Variants in NBAS observed in about 807,000 individuals in gnomAD.
NBAS encodes the protein NAG/BC035112 fusion.
NBAS carries 219 observed loss-of-function variants against 302.5 expected under a neutral mutation model. The ratio of observed to expected loss-of-function variants is 0.72; its 90% CI spans 0.65 to 0.81. The LOEUF is 0.81. NBAS is among the 30% of genes least tolerant of loss of function. The pLI, the probability that NBAS is intolerant of heterozygous loss-of-function variation, is 0.00. For synonymous variants in NBAS, 1,118 were observed against 1,021.6 expected, an observed-to-expected ratio of 1.09 and a Z score of -1.80; for missense variants, 2,932 against 2,841.6, an observed-to-expected ratio of 1.03 and a Z score of -0.72.
the NBAS span, among the ~76,000 whole-genome samples, chr2:14,887,399 C>CAAAAAAAA: frequency 5.1e-4 from 43 of 84,616 alleles, 4 homozygotes; most frequent in African/African-American, 1.9e-3. Context: ...TGAGACTCCT[C>CAAAAAAAA]AAAAAAAAAA....
intron 50 of NBAS, among the ~76,000 whole-genome samples, chr2:15,183,278 C>T (rs987028242): frequency 2.6e-5 from 4 of 152,200 alleles, no homozygotes; most frequent in African/African-American, 9.6e-5. Flanking sequence ...CCTCTAATCA[C>T]AGCAGCCTCA....
the NBAS span, among the ~76,000 whole-genome samples, chr2:14,873,065 T>C: frequency 6.6e-6 from 1 of 152,058 alleles, no homozygotes; most frequent in Non-Finnish European, 1.5e-5. Context: ...CGAGGCTAGC[T>C]CGGGTGGACT....
intron 35 of NBAS, among the ~76,000 whole-genome samples, chr2:15,331,468 GT>G (rs1454274920): frequency 6.6e-6 from 1 of 152,132 alleles, no homozygotes; most frequent in Non-Finnish European, 1.5e-5. Flanking sequence ...TAACTTCCTA[GT>G]TTAGTGTCTA....
rs181615141 is a variant in NBAS at position 15,211,607 on chromosome 2, C to T, written c.6432+7166G>A. ...TCCTTTTCCTTCAACGTTTTTCTCGCTTATCCGTAGGAGGATTGAAGAGAA... is the reference window on the plus strand; with the variant it reads ...TCCTTTTCCTTCAACGTTTTTCTCGTTTATCCGTAGGAGGATTGAAGAGAA... On this transcript the variant is annotated intron_variant, in intron 48 of 51. Coordinates refer to ENST00000281513, the MANE Select transcript of NBAS (RefSeq NM_015909.4). Among the ~76,000 whole-genome samples the T allele has an allele frequency of 1.1e-3, 168 of 152,264 alleles. 3 individuals carry two copies. The South Asian group carries it at 0.013, about 12-fold the overall frequency.
At chr2:14,921,702 A>T in the NBAS span, among the ~76,000 whole-genome samples, 2 of 152,150 alleles carry the variant, frequency 1.3e-5, no homozygotes, top group Non-Finnish European at 1.5e-5. Context: ...ATTGTGAATA[A>T]GCGAGTGTGT....
At chr2:15,233,035 AAC>A (rs1376028668) in intron 46 of NBAS, among the ~76,000 whole-genome samples, 2 of 152,100 alleles carry the variant, frequency 1.3e-5, no homozygotes, top group Non-Finnish European at 2.9e-5. Context: ...CTGAAAATGC[AAC>A]AGAGAAAAAA....
At chr2:15,331,457 A>G (rs1385355920) in intron 35 of NBAS, among the ~76,000 whole-genome samples, 2 of 152,224 alleles carry the variant, frequency 1.3e-5, no homozygotes, top group East Asian at 1.9e-4. Flanking sequence ...TATTTGTTCT[A>G]TAACTTCCTA....
the NBAS span, among the ~76,000 whole-genome samples, chr2:14,856,923 A>C: frequency 7.9e-5 from 12 of 152,172 alleles, no homozygotes; most frequent in Non-Finnish European, 1.6e-4. Flanking sequence ...ATTTTGAAAA[A>C]CCTAAAGACT....
the NBAS span, among the ~76,000 whole-genome samples, chr2:15,151,872 G>A: frequency 0.14 from 20,895 of 151,884 alleles, 1,585 homozygotes; most frequent in South Asian, 0.24. Flanking sequence ...TTTTGAGGTA[G>A]AGTCTCCCTC....
intron 21 of NBAS, among the ~76,000 whole-genome samples, chr2:15,448,685 C>T (rs1252977140): frequency 1.3e-5 from 2 of 152,172 alleles, no homozygotes; most frequent in Non-Finnish European, 2.9e-5. Flanking sequence ...TAGGCACACA[C>T]TGAGGACAAA....
intron 32 of NBAS, among the ~76,000 whole-genome samples, chr2:15,360,101 G>C (rs1673826954): frequency 6.6e-6 from 1 of 152,026 alleles, no homozygotes; most frequent in Admixed American, 6.6e-5. Context: ...TTGTACAAAA[G>C]ATAAAAAATG....
the NBAS span, among the ~76,000 whole-genome samples, chr2:15,119,255 C>G: frequency 6.6e-6 from 1 of 151,622 alleles, no homozygotes; most frequent in Non-Finnish European, 1.5e-5. Context: ...AGAGTGAGAC[C>G]TGGTCTCTTA....
the NBAS span, among the ~76,000 whole-genome samples, chr2:15,119,827 C>T: frequency 9.0e-3 from 1,371 of 152,200 alleles, 20 homozygotes; most frequent in African/African-American, 0.031. Flanking sequence ...CATCACCTTA[C>T]GCCATTCATC....
At chr2:14,832,964 G>A in the NBAS span, among the ~76,000 whole-genome samples, 43 of 152,254 alleles carry the variant, frequency 2.8e-4, no homozygotes, top group Admixed American at 1.4e-3. Flanking sequence ...TGGCACAGAA[G>A]AAGAGACTGA....
the NBAS span, among the ~76,000 whole-genome samples, chr2:15,004,534 A>G: frequency 1.3e-5 from 2 of 152,184 alleles, no homozygotes; most frequent in African/African-American, 4.8e-5. Flanking sequence ...CAAGAGTCTC[A>G]CCCTCTGTCC....
chr2:14,996,582 G>A, the NBAS span, among the ~76,000 whole-genome samples: 2 of 152,202 alleles, frequency 1.3e-5, no homozygotes, highest in African/African-American at 2.4e-5. Context: ...TGGGCTGTCG[G>A]AAGATATTGT....
At chr2:15,078,292 A>C in the NBAS span, among the ~76,000 whole-genome samples, 1 of 152,294 alleles carries the variant, frequency 6.6e-6, no homozygotes, top group South Asian at 2.1e-4. Flanking sequence ...GAATTGACTT[A>C]ATGGGGGTAT....
Position 15,468,392 on chromosome 2 carries a change from C to A in NBAS, c.1867G>T (p.Asp623Tyr). The A allele has an allele frequency of 1.9e-6, 3 of 1,614,068 alleles. No individual in the cohort carries two copies. The highest frequency in any genetic ancestry group is 2.5e-6 in the Non-Finnish European group (3 of 1,179,952). The change falls in exon 17 of 52, where the codon GAT (aspartate) becomes TAT (tyrosine). Residue 623 changes from aspartate (D) to tyrosine (Y), a missense_variant. Coordinates refer to ENST00000281513, the MANE Select transcript of NBAS (RefSeq NM_015909.4). ...CTTTCTGTAACCAACCTGCCATCAT[C>A]TGCTCCTTTCCCTATTGCTAAAAGA... The part of the protein sequence containing the change: ...EALLAIGKGA[D>Y]DGRFTLPGEI...
In NBAS at chr2:15,534,555, T is replaced by A; in HGVS notation, c.734A>T (p.His245Leu). 3 of 1,606,438 alleles carry A rather than the reference T, an allele frequency of 1.9e-6. No individual in the cohort carries two copies. Among genetic ancestry groups the A allele is most frequent in the Non-Finnish European group, 2.6e-6 (3 of 1,172,818 alleles). ...YPHGINTAIY[H>L]PGHRLLLVGG... ...AATGGTTACTTACCTGTGACCAGGGTGGTAAATAGCTGTGTTGATTCCATG... is the reference window on the plus strand; with the variant it reads ...AATGGTTACTTACCTGTGACCAGGGAGGTAAATAGCTGTGTTGATTCCATG... The change falls in exon 9 of 52, where the codon CAC becomes CTC. Residue 245 changes from histidine (H) to leucine (L), a missense_variant. Coordinates refer to ENST00000281513, the MANE Select transcript of NBAS (RefSeq NM_015909.4).
Sources: allele counts gnomAD v4.1 joint callset (sites outside exome capture counted in the v4.1 genomes callset), GRCh38; gene constraint gnomAD v4.1.1; transcripts MANE v1.5; gene names NCBI Gene and HGNC (gene_info 2026-07-23, HGNC 2026-07-21).